Variants in SCART1 observed in about 807,000 individuals in gnomAD.
SCART1 encodes scavenger receptor cysteine-rich domain-containing protein SCART1.
SCART1 carries 62 observed loss-of-function variants against 36.2 expected under a neutral mutation model. That is an observed-to-expected ratio of 1.71 (90% CI 1.40 to 2.12). The LOEUF (loss-of-function observed/expected upper bound fraction) is 2.12. Ranked by LOEUF, SCART1 falls within the 30% of genes most tolerant of loss-of-function variation. The probability of loss-of-function intolerance (pLI) is 0.00; values close to 1 mark genes in which losing one functional copy is unlikely to be tolerated. For synonymous variants in SCART1, 487 were observed against 238.7 expected (o/e 2.04, Z -9.59); for missense variants, 1,041 against 540.5 (o/e 1.93, Z -9.18).
At chr10:133,465,119 C>G (rs1208468802) in exon 8 of SCART1, 1 of 702,948 alleles carries the variant, frequency 1.4e-6, no homozygotes, top group Admixed American at 2.0e-5. Flanking sequence ...TGTCAGAGGA[C>G]AGGCCACAGG....
chr10:133,459,992 G>A (rs955228467), exon 6 of SCART1: 3 of 540,046 alleles, frequency 5.6e-6, no homozygotes, highest in African/African-American at 2.0e-5. Flanking sequence ...GCAGGCAGCT[G>A]GGCTGTGGCC....
chr10:133,465,956 T>C (rs1456581405), intron 9 of SCART1: 1 of 673,784 alleles, frequency 1.5e-6, no homozygotes, highest in African/African-American at 1.8e-5. Context: ...CCATTCTCTG[T>C]GCTCTGGTCA....
chr10:133,454,164 C>T (rs1178148726), intron 1 of SCART1, 100 bp downstream of exon 1: 1 of 691,974 alleles, frequency 1.4e-6, no homozygotes, highest in East Asian at 2.7e-5. Context: ...GACCTGCCGT[C>T]TGCCTGGGTC....
chr10:133,464,804 G>T (rs1051031293), exon 7 of SCART1: 1 of 702,660 alleles, frequency 1.4e-6, no homozygotes, highest in Admixed American at 2.0e-5. Context: ...TGCGGGCACC[G>T]GGACCGCCTG....
At chr10:133,459,994 G>T in exon 6 of SCART1, 1 of 538,926 alleles carries the variant, frequency 1.9e-6, no homozygotes, top group Non-Finnish European at 3.2e-6. Flanking sequence ...AGGCAGCTGG[G>T]CTGTGGCCGC....
chr10:133,459,357 G>A (rs970600651), intron 5 of SCART1, 31 bp downstream of exon 5: 40 of 620,584 alleles, frequency 6.4e-5, no homozygotes, highest in Non-Finnish European at 1.7e-5. Flanking sequence ...GGACCAGGAG[G>A]GTGAGTGAGA....
exon 11 of SCART1, chr10:133,467,292 C>T (rs780784506): frequency 2.8e-4 from 195 of 702,828 alleles, no homozygotes; most frequent in Non-Finnish European, 1.9e-4. Context: ...TCATGGAGGC[C>T]GAGGCTGTGC....
chr10:133,461,661 C>T (rs916881990), intron 6 of SCART1, among the ~76,000 whole-genome samples: 15 of 152,232 alleles, frequency 9.9e-5, no homozygotes, highest in African/African-American at 3.6e-4. Flanking sequence ...GCCCTCCTCA[C>T]CTCGTCCATC....
chr10:133,454,697 GAGGCTGAGGAACACTTCACTGTCA>G (rs1282693314), intron 1 of SCART1, among the ~76,000 whole-genome samples: 3 of 152,158 alleles, frequency 2.0e-5, no homozygotes, highest in Non-Finnish European at 1.5e-5. Context: ...GGGTGCCCTT[GAGGCTGAGGAACACTTCACTGTCA>G]AGGCTGGTCC....
chr10:133,464,474 T>A, intron 6 of SCART1, 132 bp from the exon 7 acceptor site: 2 of 589,868 alleles, frequency 3.4e-6, no homozygotes, highest in South Asian at 4.2e-5. Context: ...GTTTAAATTT[T>A]CTGAAGAAGC....
chr10:133,459,602 C>T (rs1302135986), exon 6 of SCART1: 1 of 672,500 alleles, frequency 1.5e-6, no homozygotes, highest in Non-Finnish European at 2.7e-6. Context: ...ACCTGCGCGG[C>T]GCGGGCGTGG....
At chr10:133,458,056 T>TCGC (rs1850641759) in intron 3 of SCART1, 1 of 605,706 alleles carries the variant, frequency 1.7e-6, no homozygotes, top group Non-Finnish European at 3.0e-6. Context: ...TGCCCTGACC[T>TCGC]CGCCTCTGGG....
At position 133,457,541 on chromosome 10, in the gene SCART1, C is replaced by T. The variant is rs115784920; in HGVS notation, c.648C>T (p.Cys216=). ...TGGACAACAACTTCCGCAGCGGCTG[C>T]GACCTGCGGCTGGACGCAGAGGTGG... Residue 216 remains cysteine, a synonymous_variant, in exon 3 of 12, where the codon TGC becomes TGT. Transcript: ENST00000640237. The T allele has an allele frequency of 2.3e-3, 1,600 of 701,856 alleles. 22 individuals are homozygous for T. In the African/African-American group the frequency reaches 0.025, roughly 11 times the overall value. The allele number at this position is 701,856 out of a possible 1,614,324, so 43.5% of individuals were successfully genotyped here.
At chr10:133,465,199 C>T (rs955177237) in intron 8 of SCART1, 25 bp downstream of exon 8, 2 of 702,934 alleles carry the variant, frequency 2.8e-6, no homozygotes, top group Non-Finnish European at 5.2e-6. Context: ...TTGTCGCTGT[C>T]CTCCTTCCCA....
At chr10:133,462,133 G>A (rs576900154) in intron 6 of SCART1, among the ~76,000 whole-genome samples, 37 of 152,350 alleles carry the variant, frequency 2.4e-4, no homozygotes, top group African/African-American at 6.5e-4. Context: ...CGGGGCACTC[G>A]TGGCTCCTGC....
exon 6 of SCART1, chr10:133,460,034 C>CGGA: frequency 1.9e-6 from 1 of 515,996 alleles, no homozygotes; most frequent in East Asian, 3.4e-5. Flanking sequence ...CCGCACACTT[C>CGGA]GGAGCCGGGG....
intron 2 of SCART1, among the ~76,000 whole-genome samples, chr10:133,456,911 G>A (rs895540169): frequency 3.3e-5 from 5 of 152,182 alleles, no homozygotes; most frequent in Admixed American, 6.5e-5. Flanking sequence ...TGACAGACAG[G>A]TACACGCTTT....
chr10:133,460,364 G>A (rs1850682598), intron 6 of SCART1, among the ~76,000 whole-genome samples, 194 bp downstream of exon 6: 1 of 151,702 alleles, frequency 6.6e-6, no homozygotes, highest in Non-Finnish European at 1.5e-5. Context: ...CCGTGCACCT[G>A]GGGAGCTGGT....
intron 1 of SCART1, among the ~76,000 whole-genome samples, chr10:133,455,086 G>A (rs909876897): frequency 6.6e-6 from 1 of 152,056 alleles, no homozygotes; most frequent in African/African-American, 2.4e-5. Context: ...GGCCAACATG[G>A]TGAAACCCCA....
Sources: gnomAD v4.1 joint callset for allele counts (sites outside exome capture counted in the v4.1 genomes callset) on GRCh38, gnomAD v4.1.1 for gene constraint, MANE v1.5 for transcripts, NCBI Gene and HGNC (gene_info 2026-07-23, HGNC 2026-07-21) for gene names.